RBFOX1: variants seen among roughly 807,000 people sequenced by gnomAD.
RBFOX1 encodes the protein RNA binding fox-1 homolog 1, also known as RNA binding protein fox-1 homolog 1.
A neutral mutation model predicts 57.7 loss-of-function variants in RBFOX1; 8 were observed. That is an observed-to-expected ratio of 0.14 (90% confidence interval 0.08 to 0.25). RBFOX1 has a LOEUF of 0.25. Ranked by LOEUF, RBFOX1 falls within the 10% of genes least tolerant of loss-of-function variation. The pLI is 1.00. For synonymous variants in RBFOX1, 326 were observed against 222.4 expected (o/e 1.47, Z -4.15); for missense variants, 611 against 548.5 (o/e 1.11, Z -1.14).
chr16:5,398,795 G>A (rs1464818727), intron 1 of RBFOX1, among the ~76,000 whole-genome samples: 1 of 152,134 alleles, frequency 6.6e-6, no homozygotes, highest in African/African-American at 2.4e-5. Flanking sequence ...TGAGCAGCAC[G>A]TTGGAAACCC....
At chr16:7,421,980 G>A (rs2098547156) in intron 4 of RBFOX1, among the ~76,000 whole-genome samples, 1 of 152,092 alleles carries the variant, frequency 6.6e-6, no homozygotes, top group Non-Finnish European at 1.5e-5. Flanking sequence ...ATATTTTTCA[G>A]AGGGAGAAAA....
Position 5,391,658 on chromosome 16 carries a change from C to T in RBFOX1, c.220-75558C>T, listed in dbSNP as rs553698991. The stretch of plus-strand genomic sequence containing the variant: ...TTCCAGGCTCTTTCTCTTCCAACTT[C>T]AGGAGAGCTCAGGTGTCCCTAGGAT... On this transcript the variant is annotated intron_variant, in intron 1 of 2. Coordinates refer to the RBFOX1 transcript ENST00000585867. Among the ~76,000 whole-genome samples the T allele has an allele frequency of 5.3e-5, 8 of 152,254 alleles. No individual in the cohort carries two copies. In the South Asian group the frequency reaches 1.7e-3, roughly 32 times the overall value.
At chr16:5,679,652 A>T (rs573263427) in intron 3 of RBFOX1, among the ~76,000 whole-genome samples, 1 of 152,058 alleles carries the variant, frequency 6.6e-6, no homozygotes, top group Non-Finnish European at 1.5e-5. Context: ...TTGACCATCA[A>T]TTCTCTTTCA....
At chr16:6,492,758 C>A (rs564650127) in intron 2 of RBFOX1, among the ~76,000 whole-genome samples, 1 of 152,166 alleles carries the variant, frequency 6.6e-6, no homozygotes, top group South Asian at 2.1e-4. Context: ...GTCAAGGACC[C>A]TTGTAGGAAT....
chr16:5,269,567 G>C (rs2062952525), intron 1 of RBFOX1, among the ~76,000 whole-genome samples: 1 of 152,236 alleles, frequency 6.6e-6, no homozygotes, highest in South Asian at 2.1e-4. Flanking sequence ...ATATGCTACA[G>C]CATGGGTGAA....
intron 3 of RBFOX1, among the ~76,000 whole-genome samples, chr16:6,949,956 T>G (rs936932153): frequency 9.0e-6 from 1 of 110,842 alleles, no homozygotes; most frequent in Non-Finnish European, 2.2e-5. Context: ...GTTGTTGTTG[T>G]TGTTTTTTGG....
intron 4 of RBFOX1, among the ~76,000 whole-genome samples, chr16:7,136,065 T>A (rs925277590): frequency 6.6e-6 from 1 of 152,230 alleles, no homozygotes; most frequent in African/African-American, 2.4e-5. Context: ...TATTTGTAAC[T>A]GAGCAGAGTG....
rs1179726640 is a variant in RBFOX1, at chr16:6,326,959, T to C, written c.-64+9902T>C. ...AGGCTGTGCTCCAAATGCTCGTCTT[T>C]CATTTTGGAGCAGAATCCACATCTC... On this transcript the variant is annotated intron_variant, in intron 2 of 15. Transcript: ENST00000550418. Among the ~76,000 whole-genome samples the C allele has an allele frequency of 3.3e-5, 5 of 152,326 alleles. No homozygotes were observed. The East Asian group carries it at 9.7e-4, about 29-fold the overall frequency.
intron 4 of RBFOX1, among the ~76,000 whole-genome samples, chr16:7,062,441 C>A (rs17142080): frequency 0.077 from 11,648 of 151,902 alleles, 1,455 homozygotes; most frequent in African/African-American, 0.26. Context: ...GTGGATGAAT[C>A]ATGGGTACAG....
chr16:7,702,292 C>T (rs936252411), intron 14 of RBFOX1, among the ~76,000 whole-genome samples: 1 of 152,114 alleles, frequency 6.6e-6, no homozygotes, highest in African/African-American at 2.4e-5. Context: ...TGTGAAGTCC[C>T]ATATTCTGGG....
At chr16:6,766,824 C>T (rs564019811) in intron 3 of RBFOX1, among the ~76,000 whole-genome samples, 1 of 151,782 alleles carries the variant, frequency 6.6e-6, no homozygotes, top group South Asian at 2.1e-4. Flanking sequence ...TCAGGCGAGA[C>T]CTAAAGGATG....
chr16:6,788,172 A>T (rs1176831592), intron 3 of RBFOX1, among the ~76,000 whole-genome samples: 2 of 152,178 alleles, frequency 1.3e-5, no homozygotes, highest in African/African-American at 2.4e-5. Context: ...GAGTGAGCTG[A>T]GATCGTGCCA....
Position 7,230,529 on chromosome 16 carries a change from C to G in RBFOX1, c.27+178431C>G, listed in dbSNP as rs990812992. Among the ~76,000 whole-genome samples the G allele has an allele frequency of 4.6e-5, 7 of 152,242 alleles. 1 individual carries two copies. The South Asian group carries it at 1.2e-3, about 27-fold the overall frequency. ...TCAGGCATGATGAAGCACTGCTTGA[C>G]AGATTCAGCCTCCCCAGTCAATGAA... On this transcript the variant is annotated intron_variant, in intron 4 of 15. Transcript: ENST00000550418.
intron 4 of RBFOX1, among the ~76,000 whole-genome samples, chr16:7,288,638 C>T (rs945840193): frequency 2.6e-5 from 4 of 152,080 alleles, no homozygotes; most frequent in Admixed American, 2.6e-4. Flanking sequence ...GTCAGGAGTT[C>T]GAGACCAGCC....
chr16:6,904,204 G>T (rs1297467940), intron 3 of RBFOX1, among the ~76,000 whole-genome samples: 1 of 152,202 alleles, frequency 6.6e-6, no homozygotes, highest in Non-Finnish European at 1.5e-5. Flanking sequence ...TTAACACATT[G>T]CATGCACTTT....
At chr16:6,265,672 C>T (rs751955315) in intron 1 of RBFOX1, among the ~76,000 whole-genome samples, 1 of 152,190 alleles carries the variant, frequency 6.6e-6, no homozygotes, top group Non-Finnish European at 1.5e-5. Context: ...GCGTCAACCA[C>T]CAAATTAGCT....
intron 1 of RBFOX1, among the ~76,000 whole-genome samples, chr16:6,221,447 A>G (rs1180503831): frequency 6.6e-6 from 1 of 152,220 alleles, no homozygotes; most frequent in Non-Finnish European, 1.5e-5. Context: ...GCCATGAGTA[A>G]AAGCACTCTG....
At chr16:6,995,227 G>A (rs543476251) in intron 3 of RBFOX1, among the ~76,000 whole-genome samples, 2 of 149,624 alleles carry the variant, frequency 1.3e-5, no homozygotes, top group African/African-American at 4.9e-5. Flanking sequence ...ATTAATTAGA[G>A]CATATGATTT....
chr16:5,658,401 C>G (rs979243144), intron 3 of RBFOX1, among the ~76,000 whole-genome samples: 1 of 152,152 alleles, frequency 6.6e-6, no homozygotes, highest in Non-Finnish European at 1.5e-5. Flanking sequence ...TGGCCACGTT[C>G]CAGGGTGATC....
Sources: allele counts gnomAD v4.1 joint callset (sites outside exome capture counted in the v4.1 genomes callset), GRCh38; gene constraint gnomAD v4.1.1; transcripts MANE v1.5; gene names NCBI Gene and HGNC (gene_info 2026-07-23, HGNC 2026-07-21).